Variants in VPS39 observed in about 807,000 individuals in gnomAD.
The protein encoded by VPS39 is vam6/Vps39-like protein.
Under a neutral mutation model 121.0 loss-of-function variants are expected in VPS39, and 70 were observed. The observed-to-expected ratio is 0.58, with a 90% CI of 0.48 to 0.71. The LOEUF (loss-of-function observed/expected upper bound fraction) is 0.71. Ranked by LOEUF, VPS39 falls within the 30% of genes least tolerant of loss-of-function variation. VPS39 has a pLI of 0.00. For missense variants in VPS39, 818 were observed against 1,051.5 expected, an observed-to-expected ratio of 0.78 and a Z score of 3.07; for synonymous variants, 378 against 398.1, an observed-to-expected ratio of 0.95 and a Z score of 0.60.
intron 2 of VPS39, chr15:42,192,017 A>G: frequency 6.5e-7 from 1 of 1,531,436 alleles, no homozygotes; most frequent in Non-Finnish European, 8.8e-7. Context: ...CAGAGCAAAC[A>G]CTCAAACCCA....
rs148541658 is a variant in VPS39 at position 42,181,790 on chromosome 15, G to A, written c.718+2727C>T. On this transcript the variant is annotated intron_variant, in intron 8 of 24. Coordinates refer to ENST00000318006, the MANE Select transcript of VPS39 (RefSeq NM_015289.5). ...AGTGGTGTGATCACGGCTTACTGCC[G>A]CCTCCATCTCCCAGGCTCAAGCAAT... Among the ~76,000 whole-genome samples, 229 of 151,448 alleles carry A rather than the reference G, an allele frequency of 1.5e-3. 2 individuals are homozygous for A. The highest frequency in any genetic ancestry group is 4.3e-3 in the Admixed American group (65 of 15,198).
At chr15:42,165,908 T>A (rs570223268) in intron 16 of VPS39, 92 bp from the exon 17 acceptor site, 24 of 1,265,690 alleles carry the variant, frequency 1.9e-5, no homozygotes, top group Admixed American at 5.3e-5. Context: ...TCAAACAGAC[T>A]TTAGGAGGGC....
intron 8 of VPS39, among the ~76,000 whole-genome samples, chr15:42,181,681 G>A (rs1388080171): frequency 6.6e-6 from 1 of 151,752 alleles, no homozygotes; most frequent in Non-Finnish European, 1.5e-5. Context: ...ATTTCTTAGT[G>A]TGTCTAATTT....
At chr15:42,170,043 C>T (rs2049317282) in intron 11 of VPS39, among the ~76,000 whole-genome samples, 177 bp from the exon 12 acceptor site, 1 of 151,390 alleles carries the variant, frequency 6.6e-6, no homozygotes, top group Admixed American at 6.6e-5. Context: ...ACTTTTTATA[C>T]ATATGTTAAA....
At chr15:42,187,124 G>A (rs2049719549) in intron 7 of VPS39, 147 bp downstream of exon 7, 1 of 585,710 alleles carries the variant, frequency 1.7e-6, no homozygotes, top group Non-Finnish European at 2.9e-6. Flanking sequence ...GAAAAATGCT[G>A]AGCATGAATG....
intron 2 of VPS39, among the ~76,000 whole-genome samples, chr15:42,194,757 G>A (rs2049900039): frequency 6.6e-6 from 1 of 151,966 alleles, no homozygotes; most frequent in Non-Finnish European, 1.5e-5. Context: ...AAAACCCACT[G>A]TGAGCACATG....
At chr15:42,202,084 T>A (rs554236833) in intron 1 of VPS39, among the ~76,000 whole-genome samples, 1 of 152,166 alleles carries the variant, frequency 6.6e-6, no homozygotes, top group Non-Finnish European at 1.5e-5. Flanking sequence ...CAACCCCAAT[T>A]TGTCTTGATT....
At chr15:42,174,529 G>C (rs1390389379) in intron 10 of VPS39, among the ~76,000 whole-genome samples, 1 of 152,190 alleles carries the variant, frequency 6.6e-6, no homozygotes, top group Non-Finnish European at 1.5e-5. Context: ...GACACTAATA[G>C]AAAAACTGGC....
intron 6 of VPS39, 32 bp from the exon 7 acceptor site, chr15:42,187,395 T>C: frequency 1.3e-6 from 2 of 1,559,644 alleles, no homozygotes; most frequent in East Asian, 4.5e-5. Context: ...CTGAATGAAA[T>C]AAATATTTTT....
chr15:42,174,743 G>A (rs373598950), intron 10 of VPS39, among the ~76,000 whole-genome samples: 7 of 152,274 alleles, frequency 4.6e-5, no homozygotes, highest in African/African-American at 1.4e-4. Context: ...GGAGGCCGAG[G>A]TGGGCAGATC....
chr15:42,190,277 C>A (rs2049799806), intron 4 of VPS39, among the ~76,000 whole-genome samples: 1 of 152,180 alleles, frequency 6.6e-6, no homozygotes, highest in African/African-American at 2.4e-5. Context: ...TCTTTCCTAG[C>A]AAAGCAATCA....
intron 8 of VPS39, among the ~76,000 whole-genome samples, chr15:42,180,628 A>G (rs1168054541): frequency 2.6e-5 from 4 of 152,236 alleles, no homozygotes; most frequent in African/African-American, 7.2e-5. Context: ...AACACAAAAC[A>G]TATCTTTAAA....
At position 42,162,353 on chromosome 15, in the gene VPS39, G is replaced by A. The variant is rs2049146353; in HGVS notation, c.2304C>T (p.His768=). Residue 768 remains histidine (H), a synonymous_variant, in exon 22 of 25, where the codon CAC becomes CAT. Coordinates refer to ENST00000318006, the MANE Select transcript of VPS39 (RefSeq NM_015289.5). ...TGACCTTGGTGGTGTCCAGTTTGCT[G>A]TGGTGTAGCTCGAGGACCTGCAGAG... ...QAALQVLELH[H]SKLDTTKALN... 2 of 1,612,576 alleles carry A rather than the reference G, an allele frequency of 1.2e-6. No individual in the cohort carries two copies. The highest frequency in any genetic ancestry group is 1.3e-5 in the African/African-American group (1 of 75,024).
Position 42,194,795 on chromosome 15 carries a change from C to A in VPS39, c.140-3235G>T, listed in dbSNP as rs531804077. Among the ~76,000 whole-genome samples, 5 of 152,176 alleles carry A rather than the reference C, an allele frequency of 3.3e-5. No homozygotes were observed. In the East Asian group the frequency reaches 9.7e-4, roughly 29 times the overall value. ...GAGAATTACACAATGACCATCAGTACAGCTTGGTACCACTGTTTTTTTCGT... is the reference window on the plus strand; with the variant it reads ...GAGAATTACACAATGACCATCAGTAAAGCTTGGTACCACTGTTTTTTTCGT... On this transcript the variant is annotated intron_variant, in intron 2 of 24. Transcript: ENST00000318006.
chr15:42,173,516 C>T (rs2049386567), intron 11 of VPS39: 1 of 510,434 alleles, frequency 2.0e-6, no homozygotes, highest in Non-Finnish European at 3.3e-6. Flanking sequence ...TGGGAGTCCA[C>T]ATTTATTGAG....
chr15:42,163,448 T>C (rs2049178966), intron 20 of VPS39, 53 bp from the exon 21 acceptor site: 9 of 1,608,194 alleles, frequency 5.6e-6, no homozygotes, highest in Non-Finnish European at 6.8e-6. Context: ...CACATCTAAA[T>C]GAGAGGCTGT....
intron 7 of VPS39, among the ~76,000 whole-genome samples, chr15:42,185,846 T>C (rs953253562): frequency 1.3e-5 from 2 of 152,192 alleles, no homozygotes; most frequent in African/African-American, 4.8e-5. Context: ...AACACAGAAC[T>C]GTACACCAAA....
chr15:42,162,543 T>C, intron 21 of VPS39, 62 bp from the exon 22 acceptor site: 1 of 1,508,260 alleles, frequency 6.6e-7, no homozygotes. Context: ...CCCCCAGCAC[T>C]GAGCATGCCT....
At chr15:42,165,367 T>C (rs1457510591) in intron 17 of VPS39, 6 of 548,228 alleles carry the variant, frequency 1.1e-5, no homozygotes, top group Non-Finnish European at 1.9e-5. Flanking sequence ...CAAACTCTCA[T>C]AGCGACTCAT....
Sources: gnomAD v4.1 joint callset for allele counts (sites outside exome capture counted in the v4.1 genomes callset) on GRCh38, gnomAD v4.1.1 for gene constraint, MANE v1.5 for transcripts, NCBI Gene and HGNC (gene_info 2026-07-23, HGNC 2026-07-21) for gene names.